The following BCAS3 variants were observed in gnomAD, a reference collection of about 807,000 sequenced individuals.
BCAS3 encodes BCAS4/BCAS3 fusion.
A neutral mutation model predicts 116.1 loss-of-function variants in BCAS3; 53 were observed. That is an observed-to-expected ratio of 0.46 (90% CI 0.37 to 0.57). BCAS3 has a LOEUF of 0.57. Among genes scored for constraint, BCAS3 ranks in the 20% least tolerant of loss-of-function variants. The pLI, the probability that BCAS3 is intolerant of heterozygous loss-of-function variation, is 0.00. For missense variants in BCAS3, 917 were observed against 1,165.4 expected, an observed-to-expected ratio of 0.79 and a Z score of 3.10; for synonymous variants, 391 against 408.2, an observed-to-expected ratio of 0.96 and a Z score of 0.51.
intron 4 of BCAS3, among the ~76,000 whole-genome samples, chr17:60,702,728 T>C (rs1235628181): frequency 6.6e-6 from 1 of 152,134 alleles, no homozygotes; most frequent in Non-Finnish European, 1.5e-5. Flanking sequence ...TAACTGGGAC[T>C]GTAGGCGTGT....
chr17:61,241,934 T>C lies in BCAS3; in HGVS notation c.2426-126393T>C, dbSNP rs1431086757. ...TTACTAAAGAGGAATCATTTCTCAGTGTTAAGTATATCTGGGACCAGAAAT... is the reference window on the plus strand; with the variant it reads ...TTACTAAAGAGGAATCATTTCTCAGCGTTAAGTATATCTGGGACCAGAAAT... On this transcript the variant is annotated intron_variant, in intron 22 of 23. Transcript: ENST00000407086. This position sits in a 1 kb window ranked among gnomAD's most constrained non-coding sequence, Gnocchi z 4.6. Among the ~76,000 whole-genome samples, 1 of 152,172 alleles carries C rather than the reference T, an allele frequency of 6.6e-6. No homozygotes were observed. Among genetic ancestry groups the C allele is most frequent in the East Asian group, 1.9e-4 (1 of 5,196 alleles).
intron 7 of BCAS3, among the ~76,000 whole-genome samples, chr17:60,868,046 C>T (rs1324689681): frequency 5.6e-5 from 8 of 143,234 alleles, no homozygotes; most frequent in Admixed American, 2.9e-4. Context: ...TTTTTTGAGA[C>T]GGATTCTTGC....
intron 22 of BCAS3, among the ~76,000 whole-genome samples, chr17:61,127,736 T>C (rs1008952483): frequency 2.7e-5 from 4 of 149,378 alleles, no homozygotes; most frequent in African/African-American, 7.4e-5. Context: ...TCTGTCATCA[T>C]TGGTAAACTG....
At chr17:61,096,509 G>C (rs891224522) in intron 22 of BCAS3, among the ~76,000 whole-genome samples, 3 of 152,116 alleles carry the variant, frequency 2.0e-5, no homozygotes, top group Non-Finnish European at 4.4e-5. Flanking sequence ...GTGAGCCAAG[G>C]CTGCATCACT....
rs1167106211 is a variant in BCAS3, at chr17:61,226,385, T to C, written c.2425+141821T>C. ...AAATTATATTAACAGTTTTTCTTTT[T>C]TGTATAGTTGAAGAAAGAATTAAGA... On this transcript the variant is annotated intron_variant, in intron 22 of 23. Coordinates refer to ENST00000407086, the MANE Select transcript of BCAS3 (RefSeq NM_017679.5). The surrounding 1 kb of genome is among the most constrained non-coding windows in gnomAD (Gnocchi z 6.0). Among the ~76,000 whole-genome samples the C allele has an allele frequency of 6.6e-6, 1 of 152,252 alleles. No homozygotes were observed. Among genetic ancestry groups the C allele is most frequent in the African/African-American group, 2.4e-5 (1 of 41,478 alleles).
intron 22 of BCAS3, among the ~76,000 whole-genome samples, chr17:61,308,271 A>C (rs1326492914): frequency 6.6e-6 from 1 of 152,142 alleles, no homozygotes; most frequent in African/African-American, 2.4e-5. Context: ...GATAGTAACC[A>C]ACCCCAGAAA....
intron 22 of BCAS3, among the ~76,000 whole-genome samples, chr17:61,242,075 G>T (rs1239582807): frequency 6.6e-6 from 1 of 152,024 alleles, no homozygotes; most frequent in African/African-American, 2.4e-5. Context: ...TTGGGAATTC[G>T]AAACCAGCCT....
rs1261373739 is a variant in BCAS3 at position 61,313,465 on chromosome 17, G to A, written c.2426-54862G>A. ...AATAGCCCAGTTGGCTCCTCTCTGA[G>A]AGCGGGTAAGAGTAGAAAAGAATTG... On this transcript the variant is annotated intron_variant, in intron 22 of 23. Transcript: ENST00000407086. The surrounding 1 kb of genome is among the most constrained non-coding windows in gnomAD (Gnocchi z 4.3). Among the ~76,000 whole-genome samples the A allele has an allele frequency of 6.6e-6, 1 of 152,230 alleles. No homozygotes were observed. Among genetic ancestry groups the A allele is most frequent in the Non-Finnish European group, 1.5e-5 (1 of 68,036 alleles).
chr17:61,011,039 A>G (rs1281379139), intron 15 of BCAS3, among the ~76,000 whole-genome samples: 1 of 151,988 alleles, frequency 6.6e-6, no homozygotes, highest in African/African-American at 2.4e-5. Context: ...TGGAATTTGA[A>G]AGTATAATAG....
rs971435631 is a variant in BCAS3, at chr17:60,961,828, G to C, written c.1221+14476G>C. On this transcript the variant is annotated intron_variant, in intron 14 of 23. Coordinates refer to ENST00000407086, the MANE Select transcript of BCAS3 (RefSeq NM_017679.5). The surrounding 1 kb of genome is among the most constrained non-coding windows in gnomAD (Gnocchi z 4.8). ...ATGTGCTGACATTGTAACGAGGCTT[G>C]AGGAAGGCACATCTCACACAGCAGT... 6.6e-5 allele frequency among the ~76,000 whole-genome samples: 10 copies of C among 151,286 alleles called. No homozygotes were observed. The highest frequency in any genetic ancestry group is 1.3e-4 in the Non-Finnish European group (9 of 67,902).
intron 7 of BCAS3, among the ~76,000 whole-genome samples, chr17:60,842,621 G>C (rs2052055831): frequency 6.6e-6 from 1 of 151,930 alleles, no homozygotes; most frequent in South Asian, 2.1e-4. Context: ...GTGGGTTATA[G>C]TTCCTTTCTC....
At chr17:61,389,020 G>T (rs934053864) in intron 23 of BCAS3, 3 of 343,810 alleles carry the variant, frequency 8.7e-6, no homozygotes, top group Admixed American at 4.5e-5. Flanking sequence ...AATGTTTAGG[G>T]CACCCATGAT....
intron 10 of BCAS3, among the ~76,000 whole-genome samples, chr17:60,901,973 C>G (rs1384628547): frequency 6.6e-6 from 1 of 152,178 alleles, no homozygotes; most frequent in Admixed American, 6.5e-5. Context: ...GTGAAATAAT[C>G]ATGCATATCA....
Position 61,388,533 on chromosome 17 carries a change from C to T in BCAS3, c.2594-3444C>T. The T allele has an allele frequency of 1.1e-5, 15 of 1,349,730 alleles. No homozygotes were observed. In the South Asian group the frequency reaches 2.0e-4, roughly 18 times the overall value. 83.6% of individuals were successfully genotyped at this position (1,349,730 alleles called of 1,614,324 possible). On this transcript the variant is annotated intron_variant, in intron 23 of 23. Transcript: ENST00000407086. This position sits in a 1 kb window ranked among gnomAD's most constrained non-coding sequence, Gnocchi z 6.5. ...GCCCCTGCGCCTCCTGACACCTCTCCACCTGCTTGCAGAGATCAGTGTACT... is the reference window on the plus strand; with the variant it reads ...GCCCCTGCGCCTCCTGACACCTCTCTACCTGCTTGCAGAGATCAGTGTACT...
chr17:61,043,276 G>A (rs1216323186), intron 19 of BCAS3, among the ~76,000 whole-genome samples: 1 of 152,026 alleles, frequency 6.6e-6, no homozygotes, highest in Non-Finnish European at 1.5e-5. Flanking sequence ...GCTGAGGCAT[G>A]AGAATTGCTT....
chr17:61,236,901 A>G (rs988485802), intron 22 of BCAS3, among the ~76,000 whole-genome samples: 1 of 152,170 alleles, frequency 6.6e-6, no homozygotes, highest in Non-Finnish European at 1.5e-5. Context: ...GAGGCAGGAA[A>G]GTTGGATCCT....
In BCAS3 at chr17:61,368,590, T is replaced by C. The variant is rs985698953; in HGVS notation, c.2593+96T>C. 1 of 1,390,680 alleles carries C rather than the reference T, an allele frequency of 7.2e-7. No homozygotes were observed. The highest frequency in any genetic ancestry group is 9.6e-7 in the Non-Finnish European group (1 of 1,039,656). 86.1% of individuals were successfully genotyped at this position (1,390,680 alleles called of 1,614,324 possible). A position where few individuals can be genotyped will look rare whatever the true frequency, so the allele number is the denominator to read the frequency against. The stretch of plus-strand genomic sequence containing the variant: ...AATCGTTTGTGGGCATATGTTTGTT[T>C]TTGCTGTTGGTTTCTTTAGTTAGCA... On this transcript the variant is annotated intron_variant, in intron 23 of 23. Transcript: ENST00000407086. The surrounding 1 kb of genome is among the most constrained non-coding windows in gnomAD (Gnocchi z 6.0).
chr17:60,767,566 C>CA (rs2044245026), intron 6 of BCAS3, among the ~76,000 whole-genome samples: 1 of 151,856 alleles, frequency 6.6e-6, no homozygotes, highest in East Asian at 1.9e-4. Flanking sequence ...AGGCTGGTGT[C>CA]AAACTCCTCA....
chr17:60,699,144 A>T (rs964882980), intron 4 of BCAS3, among the ~76,000 whole-genome samples: 1 of 152,244 alleles, frequency 6.6e-6, no homozygotes, highest in African/African-American at 2.4e-5. Flanking sequence ...CAGAATTGAT[A>T]TGTCAGATTT....
Sources: gnomAD v4.1 joint callset for allele counts (sites outside exome capture counted in the v4.1 genomes callset) on GRCh38, gnomAD v4.1.1 for gene constraint, Gnocchi (gnomAD v3.1) non-coding constraint, MANE v1.5 for transcripts, NCBI Gene and HGNC (gene_info 2026-07-23, HGNC 2026-07-21) for gene names.